Variants in SPEF2 observed in about 807,000 individuals in gnomAD.
SPEF2 encodes the protein sperm flagella and cilia-associated protein 2.
SPEF2 carries 187 observed loss-of-function variants against 224.6 expected under a neutral mutation model. That is an observed-to-expected ratio of 0.83 (90% CI 0.74 to 0.94). The LOEUF (loss-of-function observed/expected upper bound fraction) is 0.94. Among genes scored for constraint, SPEF2 ranks in the 40% least tolerant of loss-of-function variants. The probability of loss-of-function intolerance (pLI) is 0.00; values close to 1 mark genes in which losing one functional copy is unlikely to be tolerated. For missense variants in SPEF2, 2,170 were observed against 2,135.6 expected, an observed-to-expected ratio of 1.02 and a Z score of -0.32; for synonymous variants, 715 against 707.3, an observed-to-expected ratio of 1.01 and a Z score of -0.17.
intron 20 of SPEF2, among the ~76,000 whole-genome samples, chr5:35,726,987 C>CA (rs927201894): frequency 1.3e-5 from 1 of 77,654 alleles, no homozygotes; most frequent in African/African-American, 4.2e-5. Context: ...CAAGCACCCC[C>CA]CCCCTTTCCT....
At position 35,703,958 on chromosome 5, in the gene SPEF2, T is replaced by C. The variant is rs938163675; in HGVS notation, c.2399-596T>C. On this transcript the variant is annotated intron_variant, in intron 16 of 36. Coordinates refer to ENST00000356031, the MANE Select transcript of SPEF2 (RefSeq NM_024867.4). The stretch of plus-strand genomic sequence containing the variant: ...AGTTCAAGGCTTTCTTTCCTCTTTA[T>C]GATTTTTTATTTATTCTAAATTGGT... Among the ~76,000 whole-genome samples, 7 of 152,294 alleles carry C rather than the reference T, an allele frequency of 4.6e-5. No homozygotes were observed. In the South Asian group the frequency reaches 1.4e-3, roughly 32 times the overall value.
chr5:35,761,003 G>T (rs1751215149), intron 25 of SPEF2, among the ~76,000 whole-genome samples: 1 of 151,702 alleles, frequency 6.6e-6, no homozygotes, highest in African/African-American at 2.4e-5. Context: ...ATGAGGAGGG[G>T]AAAAAGAAAG....
chr5:35,722,985 T>A (rs1360971822), intron 20 of SPEF2, among the ~76,000 whole-genome samples: 1 of 151,928 alleles, frequency 6.6e-6, no homozygotes, highest in Non-Finnish European at 1.5e-5. Context: ...CACAGATGGT[T>A]TAAAGGGTGA....
At chr5:35,666,113 G>T (rs963548946) in intron 8 of SPEF2, among the ~76,000 whole-genome samples, 7 of 152,154 alleles carry the variant, frequency 4.6e-5, no homozygotes, top group African/African-American at 1.4e-4. Context: ...AGGTCTCACA[G>T]CTAGAAATTG....
intron 3 of SPEF2, among the ~76,000 whole-genome samples, chr5:35,642,065 C>G (rs74293081): frequency 1.3e-3 from 202 of 152,086 alleles, no homozygotes; most frequent in African/African-American, 4.6e-3. Context: ...TGTGCCTGCT[C>G]CTCTCTTCCT....
intron 28 of SPEF2, among the ~76,000 whole-genome samples, chr5:35,775,724 T>C (rs1753522588): frequency 6.6e-6 from 1 of 152,120 alleles, no homozygotes; most frequent in Admixed American, 6.5e-5. Context: ...TGCAACAGTT[T>C]AAGTGAGAGA....
Position 35,776,334 on chromosome 5 carries a change from G to A in SPEF2, c.4156G>A (p.Val1386Ile). 4 of 1,613,088 alleles carry A rather than the reference G, an allele frequency of 2.5e-6. No individual in the cohort carries two copies. The highest frequency in any genetic ancestry group is 3.4e-6 in the Non-Finnish European group (4 of 1,179,502). Residue 1386 changes from valine to isoleucine, a missense_variant, in exon 29 of 37, where the codon GTT (valine) becomes ATT (isoleucine). By Grantham distance (29) the Val-to-Ile change is conservative. Coordinates refer to ENST00000356031, the MANE Select transcript of SPEF2 (RefSeq NM_024867.4). ...ALLEDLVTKV[V>I]DVYKLMEKWL... ...TCTTGAAGATTTAGTAACAAAGGTG[G>A]TTGATGTATATAAACTCATGGAAAA... is the stretch of plus-strand genomic sequence containing the variant.
At chr5:35,662,163 G>A (rs980712126) in intron 8 of SPEF2, among the ~76,000 whole-genome samples, 1 of 152,026 alleles carries the variant, frequency 6.6e-6, no homozygotes, top group African/African-American at 2.4e-5. Context: ...TGATTTGCAT[G>A]TATCTAATGG....
chr5:35,648,691 CTAAT>C (rs770406260), intron 5 of SPEF2, among the ~76,000 whole-genome samples: 9 of 152,032 alleles, frequency 5.9e-5, no homozygotes, highest in Non-Finnish European at 1.0e-4. Flanking sequence ...CTTCAGATAA[CTAAT>C]TAATAGTGTA....
At position 35,793,727 on chromosome 5, in the gene SPEF2, A is replaced by AACACAC. The variant is rs374573342; in HGVS notation, c.4737+422_4737+427dup. Reference sequence around the variant, plus strand: ...CCAGCGTAGAAAGAACAGTGGTTAAAACACACACACACACACACACACACA... The same window carrying AACACAC: ...CCAGCGTAGAAAGAACAGTGGTTAAAACACACACACACACACACACACACACACACA... On this transcript the variant is annotated intron_variant, in intron 32 of 36. Transcript: ENST00000356031. Among the ~76,000 whole-genome samples the AACACAC allele has an allele frequency of 8.6e-3, 864 of 100,866 alleles. 7 individuals carry two copies. Among genetic ancestry groups the AACACAC allele is most frequent in the African/African-American group, 0.025 (806 of 32,506 alleles). 66.2% of individuals were successfully genotyped at this position (100,866 alleles called of 152,430 possible). A position where few individuals can be genotyped will look rare whatever the true frequency, so the allele number is the denominator to read the frequency against.
At chr5:35,662,925 A>G (rs570185916) in intron 8 of SPEF2, among the ~76,000 whole-genome samples, 11 of 152,192 alleles carry the variant, frequency 7.2e-5, no homozygotes, top group Admixed American at 2.6e-4. Flanking sequence ...GTGGGAGGAG[A>G]TGGCACATTC....
chr5:35,717,760 A>C (rs1430538787), intron 20 of SPEF2, among the ~76,000 whole-genome samples: 2 of 152,096 alleles, frequency 1.3e-5, no homozygotes, highest in Non-Finnish European at 2.9e-5. Context: ...CCAAGGCTCC[A>C]CCTTAGTGGG....
intron 18 of SPEF2, among the ~76,000 whole-genome samples, chr5:35,706,894 A>G (rs1345549531): frequency 6.6e-6 from 1 of 152,220 alleles, no homozygotes; most frequent in Non-Finnish European, 1.5e-5. Context: ...AATCTTACAG[A>G]GTCTTGGTTG....
rs1407005743 is a variant in SPEF2 at position 35,763,375 on chromosome 5, C to A, written c.3621-147C>A. On this transcript the variant is annotated intron_variant, in intron 25 of 36. Transcript: ENST00000356031. Reference sequence around the variant, plus strand: ...AAATTTGAATGCAGTGTTTTATAATCTTTTCTCCATTAAAATAATTCTTTC... The same window carrying A: ...AAATTTGAATGCAGTGTTTTATAATATTTTCTCCATTAAAATAATTCTTTC... 5.2e-6 allele frequency: 4 copies of A among 773,428 alleles called. No individual in the cohort carries two copies. In the East Asian group the frequency reaches 8.5e-5, roughly 17 times the overall value. The allele number at this position is 773,428 out of a possible 1,614,324, so 47.9% of individuals were successfully genotyped here. A position where few individuals can be genotyped will look rare whatever the true frequency, so the allele number is the denominator to read the frequency against.
chr5:35,775,975 T>C (rs576433313), intron 28 of SPEF2, among the ~76,000 whole-genome samples: 29 of 152,300 alleles, frequency 1.9e-4, no homozygotes, highest in Non-Finnish European at 3.7e-4. Context: ...AAATTACCTA[T>C]GCGTGTTTTC....
At chr5:35,789,271 C>T (rs1445523337) in intron 30 of SPEF2, 2 of 703,240 alleles carry the variant, frequency 2.8e-6, no homozygotes, top group East Asian at 5.4e-5. Flanking sequence ...TCATGAATGT[C>T]CTTAGCATTC....
chr5:35,729,968 A>G (rs1346787333), intron 21 of SPEF2, among the ~76,000 whole-genome samples: 2 of 152,152 alleles, frequency 1.3e-5, no homozygotes, highest in African/African-American at 4.8e-5. Flanking sequence ...TTTTCTTCCC[A>G]GTCTCAAGTA....
At chr5:35,628,583 T>C (rs745587928) in intron 2 of SPEF2, 21 bp downstream of exon 2, 89 of 1,465,370 alleles carry the variant, frequency 6.1e-5, no homozygotes, top group Non-Finnish European at 8.2e-5. Flanking sequence ...TTATTCCTTT[T>C]TGTTGTTGTT....
intron 2 of SPEF2, among the ~76,000 whole-genome samples, chr5:35,636,299 T>A (rs1263060909): frequency 6.6e-6 from 1 of 152,218 alleles, no homozygotes; most frequent in Non-Finnish European, 1.5e-5. Flanking sequence ...GATTATGGGA[T>A]GTTTTCAATG....
Sources: gnomAD v4.1 joint callset for allele counts (sites outside exome capture counted in the v4.1 genomes callset) on GRCh38, gnomAD v4.1.1 for gene constraint, MANE v1.5 for transcripts, NCBI Gene and HGNC (gene_info 2026-07-23, HGNC 2026-07-21) for gene names.